Variants in SACS observed in about 807,000 individuals in gnomAD.
SACS encodes the protein sacsin molecular chaperone.
A neutral mutation model predicts 348.0 loss-of-function variants in SACS; 197 were observed. The ratio of observed to expected loss-of-function variants is 0.57; its 90% CI spans 0.50 to 0.64. SACS has a LOEUF of 0.64. Ranked by LOEUF, SACS falls within the 30% of genes least tolerant of loss-of-function variation. The probability of loss-of-function intolerance (pLI) is 0.00; values close to 1 mark genes in which losing one functional copy is unlikely to be tolerated. For synonymous variants in SACS, 1,985 were observed against 1,910.6 expected, an observed-to-expected ratio of 1.04 and a Z score of -1.02; for missense variants, 4,999 against 5,360.8, an observed-to-expected ratio of 0.93 and a Z score of 2.11.
At chr13:23,358,306 T>C in intron 7 of SACS, 29 bp downstream of exon 7, 2 of 1,607,028 alleles carry the variant, frequency 1.2e-6, no homozygotes, top group Admixed American at 1.7e-5. Context: ...TATTTTCTAA[T>C]ACCAAGACCG....
intron 1 of SACS, among the ~76,000 whole-genome samples, chr13:23,412,214 G>C (rs1050738673): frequency 2.0e-5 from 3 of 151,998 alleles, no homozygotes. Context: ...AGCCAAGATC[G>C]CGCCACTGCA....
chr13:23,406,379 G>C (rs558568105), intron 2 of SACS, among the ~76,000 whole-genome samples: 1 of 151,916 alleles, frequency 6.6e-6, no homozygotes, highest in Non-Finnish European at 1.5e-5. Flanking sequence ...AGGGCCTGTC[G>C]GGGGGTGGGG....
At chr13:23,379,475 T>G (rs1377890434) in intron 2 of SACS, among the ~76,000 whole-genome samples, 2 of 152,174 alleles carry the variant, frequency 1.3e-5, no homozygotes, top group Non-Finnish European at 2.9e-5. Flanking sequence ...CCTTCTGCAC[T>G]GGCATCTGAA....
intron 2 of SACS, among the ~76,000 whole-genome samples, chr13:23,408,523 T>C (rs1239427109): frequency 6.6e-6 from 1 of 152,232 alleles, no homozygotes; most frequent in Non-Finnish European, 1.5e-5. Flanking sequence ...AGATAGATAA[T>C]TTAACTGCTT....
chr13:23,331,960 T>C lies in SACS; in HGVS notation c.11916A>G (p.Arg3972=), dbSNP rs2137562654. The C allele has an allele frequency of 6.2e-7, 1 of 1,614,092 alleles. No individual in the cohort carries two copies. The highest frequency in any genetic ancestry group is 8.5e-7 in the Non-Finnish European group (1 of 1,179,960). Residue 3972 remains arginine (R), a synonymous_variant, in exon 10 of 10, where the codon CGA becomes CGG. Transcript: ENST00000382292. ...IMLFPQKLRP[R]LLSSILEEQL... The stretch of plus-strand genomic sequence containing the variant: ...GTTCTTCAAGTATACTGCTCAATAA[T>C]CGAGGTCTAAGTTTTTGAGGAAAGA...
intron 4 of SACS, among the ~76,000 whole-genome samples, chr13:23,369,471 C>T (rs961476470): frequency 2.6e-5 from 4 of 152,056 alleles, no homozygotes; most frequent in Non-Finnish European, 4.4e-5. Context: ...AATTTATTTG[C>T]GTCATTTTGG....
chr13:23,333,193 A>G lies in SACS; in HGVS notation c.10683T>C (p.Asp3561=). 5 of 1,601,260 alleles carry G rather than the reference A, an allele frequency of 3.1e-6. No homozygotes were observed. The highest frequency in any genetic ancestry group is 2.3e-5 in the South Asian group (2 of 88,242). The part of the protein sequence containing the change: ...MLPEKLFIPN[D]FFKKLEQLIK... ...TAAGTTGTTCCAATTTCTTAAAGAA[A>G]TCATTAGGAATAAACAATTTTTCAG... Residue 3561 remains aspartate (D), a synonymous_variant, in exon 10 of 10, where the codon GAT becomes GAC. Coordinates refer to ENST00000382292, the MANE Select transcript of SACS (RefSeq NM_014363.6).
rs750181262 is a variant in SACS at position 23,335,768 on chromosome 13, C to T, written c.8108G>A (p.Arg2703His). The T allele has an allele frequency of 9.3e-6, 15 of 1,613,856 alleles. No homozygotes were observed. Among genetic ancestry groups the T allele is most frequent in the Non-Finnish European group, 1.2e-5 (14 of 1,179,898 alleles). The change falls in exon 10 of 10, where the codon CGT becomes CAT. Residue 2703 changes from arginine (R) to histidine (H), a missense_variant. This residue lies in a region of SACS where 3,156 missense variants were observed against 3,380.1 expected (regional missense o/e 0.93). Transcript: ENST00000382292. This position sits in a 1 kb window ranked among gnomAD's most constrained non-coding sequence, Gnocchi z 4.7. Reference protein sequence around the residue: ...DNCTMFRFPLRNAEMAKVSEI... With the variant: ...DNCTMFRFPLHNAEMAKVSEI... Reference sequence around the variant, plus strand: ...CGAAACTTTTGCCATTTCTGCATTACGAAGAGGAAATCTGAACATTGTGCA... The same window carrying T: ...CGAAACTTTTGCCATTTCTGCATTATGAAGAGGAAATCTGAACATTGTGCA...
chr13:23,391,858 C>T (rs1872538206), intron 2 of SACS, among the ~76,000 whole-genome samples: 1 of 91,816 alleles, frequency 1.1e-5, no homozygotes, highest in South Asian at 4.3e-4. Flanking sequence ...GCAAAGTGCC[C>T]ATCAGTGTGG....
intron 1 of SACS, among the ~76,000 whole-genome samples, chr13:23,420,878 G>A (rs935659783): frequency 8.5e-5 from 13 of 152,116 alleles, no homozygotes; most frequent in African/African-American, 2.9e-4. Context: ...TTGTCCATCA[G>A]GGACCTGTTT....
In SACS at chr13:23,411,519, G is replaced by C. The variant is rs1873480682; in HGVS notation, c.-280C>G. The C allele has an allele frequency of 2.3e-6, 1 of 436,182 alleles. No individual in the cohort carries two copies. Among genetic ancestry groups the C allele is most frequent in the Non-Finnish European group, 4.0e-6 (1 of 247,730 alleles). The allele number at this position is 436,182 out of a possible 1,614,324, so 27.0% of individuals were successfully genotyped here. On this transcript the variant is annotated 5_prime_UTR_variant, in exon 2 of 10. Transcript: ENST00000382292. ...CCATGGAAGTTCTCAGGATAAAACAGTGTGGATTCGCTAAAGGTTTTTGGC... is the reference window on the plus strand; with the variant it reads ...CCATGGAAGTTCTCAGGATAAAACACTGTGGATTCGCTAAAGGTTTTTGGC...
At position 23,335,361 on chromosome 13, in the gene SACS, C is replaced by T; in HGVS notation, c.8515G>A (p.Ala2839Thr). Residue 2839 changes from alanine (A) to threonine (T), a missense_variant, in exon 10 of 10, where the codon GCT (alanine) becomes ACT (threonine). Around this residue, in one of 6 missense-constraint regions of SACS, gnomAD observed 3,156 missense variants for 3,380.1 expected, o/e 0.93. Coordinates refer to ENST00000382292, the MANE Select transcript of SACS (RefSeq NM_014363.6). The surrounding 1 kb of genome is among the most constrained non-coding windows in gnomAD (Gnocchi z 4.7). ...MEKVSKSVIS[A>T]HKNQDITLFP... ...AGAGTAATATCTTGGTTCTTGTGAG[C>T]TGATATGACACTTTTAGATACTTTC... is the stretch of plus-strand genomic sequence containing the variant. 6.2e-7 allele frequency: 1 copy of T among 1,613,896 alleles called. No homozygotes were observed.
chr13:23,384,723 G>A (rs755852877), intron 2 of SACS, among the ~76,000 whole-genome samples: 4 of 152,130 alleles, frequency 2.6e-5, no homozygotes, highest in Non-Finnish European at 5.9e-5. Context: ...GAGGACCAGA[G>A]AATGAAGGAA....
chr13:23,421,842 C>A (rs1163647347), intron 1 of SACS, among the ~76,000 whole-genome samples: 1 of 151,920 alleles, frequency 6.6e-6, no homozygotes, highest in Non-Finnish European at 1.5e-5. Flanking sequence ...GGCTTCCTGT[C>A]CACTGTGGCC....
At chr13:23,401,954 C>A (rs2137930940) in intron 2 of SACS, among the ~76,000 whole-genome samples, 1 of 152,250 alleles carries the variant, frequency 6.6e-6, no homozygotes, top group East Asian at 1.9e-4. Flanking sequence ...CCAAGTCAGG[C>A]AGATCATGAG....
chr13:23,369,290 T>C (rs183440982), intron 4 of SACS, among the ~76,000 whole-genome samples: 1 of 152,250 alleles, frequency 6.6e-6, no homozygotes, highest in Non-Finnish European at 1.5e-5. Context: ...CCTTCAAGCC[T>C]TGCCTAAACT....
chr13:23,393,751 C>CT (rs1214455721), intron 2 of SACS, among the ~76,000 whole-genome samples: 27 of 151,742 alleles, frequency 1.8e-4, no homozygotes, highest in Admixed American at 1.6e-3. Flanking sequence ...TCTTGGTATT[C>CT]TTTTTTTTAT....
chr13:23,383,957 AGTAAGAAGGGTCATC>A (rs1872169975), intron 2 of SACS, among the ~76,000 whole-genome samples: 1 of 152,230 alleles, frequency 6.6e-6, no homozygotes, highest in Non-Finnish European at 1.5e-5. Context: ...GATGGAGATC[AGTAAGAAGGGTCATC>A]GCAAGGTCTT....
chr13:23,332,905 C>T lies in SACS; in HGVS notation c.10971G>A (p.Glu3657=). Residue 3657 remains glutamate (E), a synonymous_variant, in exon 10 of 10, where the codon GAG becomes GAA. Coordinates refer to ENST00000382292, the MANE Select transcript of SACS (RefSeq NM_014363.6). ...ATCTAATGAATTCCGCGGGGGCCCG[C>T]TCAGGACATAAGAATGGTATTAAAG... The part of the protein sequence containing the change: ...ELSLIPFLCP[E]RAPAEFIRFH... 1 of 1,613,918 alleles carries T rather than the reference C, an allele frequency of 6.2e-7. No homozygotes were observed. The highest frequency in any genetic ancestry group is 8.5e-7 in the Non-Finnish European group (1 of 1,179,930).
Sources: gnomAD v4.1 joint callset for allele counts (sites outside exome capture counted in the v4.1 genomes callset) on GRCh38, gnomAD v4.1.1 for gene constraint, gnomAD v4.1.1 regional missense constraint, Gnocchi (gnomAD v3.1) non-coding constraint, MANE v1.5 for transcripts, NCBI Gene and HGNC (gene_info 2026-07-23, HGNC 2026-07-21) for gene names.